The following AMER2 variants were observed in gnomAD, a reference collection of about 807,000 sequenced individuals.
AMER2 encodes family with sequence similarity 123A.
In AMER2, 1 loss-of-function variant was observed where a neutral mutation model predicts 4.7. The observed-to-expected ratio is 0.21, with a 90% CI of 0.07 to 1.00. The LOEUF (loss-of-function observed/expected upper bound fraction) is 1.00. Ranked by LOEUF, AMER2 falls within the 50% of genes least tolerant of loss-of-function variation. The pLI, the probability that AMER2 is intolerant of heterozygous loss-of-function variation, is 0.60. For synonymous variants in AMER2, 485 were observed against 433.3 expected, an observed-to-expected ratio of 1.12 and a Z score of -1.48; for missense variants, 988 against 966.9, an observed-to-expected ratio of 1.02 and a Z score of -0.29.
At position 25,163,088 on chromosome 13, in the gene AMER2, A is replaced by G. The variant is rs1013113840; in HGVS notation, c.*6516T>C. 5.3e-5 allele frequency: 8 copies of G among 152,088 alleles called. No homozygotes were observed. The highest frequency in any genetic ancestry group is 7.4e-5 in the Non-Finnish European group (5 of 68,010). 9.4% of individuals were successfully genotyped at this position (152,088 alleles called of 1,614,324 possible). A position where few individuals can be genotyped will look rare whatever the true frequency, so the allele number is the denominator to read the frequency against. ...GGACGGACAGCTATTAAAGGAGCCA[A>G]GTGCTTATTTCTGAAGTTCAGAATT... On this transcript the variant is annotated 3_prime_UTR_variant, in exon 1 of 1. Coordinates refer to ENST00000515384, the MANE Select transcript of AMER2 (RefSeq NM_152704.4).
Position 25,171,738 on chromosome 13 carries a change from T to G in AMER2, c.-119A>C. 7.1e-6 allele frequency: 10 copies of G among 1,405,286 alleles called. No individual in the cohort carries two copies. Among genetic ancestry groups the G allele is most frequent in the Non-Finnish European group, 9.2e-6 (10 of 1,089,726 alleles). The allele number at this position is 1,405,286 out of a possible 1,614,324, so 87.1% of individuals were successfully genotyped here. A position where few individuals can be genotyped will look rare whatever the true frequency, so the allele number is the denominator to read the frequency against. On this transcript the variant is annotated 5_prime_UTR_variant, in exon 1 of 1. It removes an upstream start codon present in the reference 5' UTR. Coordinates refer to ENST00000515384, the MANE Select transcript of AMER2 (RefSeq NM_152704.4). The surrounding 1 kb of genome is among the most constrained non-coding windows in gnomAD (Gnocchi z 5.9). ...GCCGCCGCTGCAAAAGAAACACACA[T>G]AAAAGACCATCTTCCCTCCCGCAAG...
rs1350272174 is a variant in AMER2, at chr13:25,170,078, C to G, written c.1542G>C (p.Gln514His). Residue 514 changes from glutamine to histidine, a missense_variant, in exon 1 of 1, where the codon CAG (glutamine) becomes CAC (histidine). Physicochemically the swap from Gln to His is conservative, Grantham distance 24. Coordinates refer to ENST00000515384, the MANE Select transcript of AMER2 (RefSeq NM_152704.4). The surrounding 1 kb of genome is among the most constrained non-coding windows in gnomAD (Gnocchi z 7.3). ...CCTCGTCGCTGTTGGGGACGCCTTCCTGCTGCTCCTTCTCCGGGTGCTTGG... is the reference window on the plus strand; with the variant it reads ...CCTCGTCGCTGTTGGGGACGCCTTCGTGCTGCTCCTTCTCCGGGTGCTTGG... ...EEPKHPEKEQ[Q>H]EGVPNSDEGY... 6.2e-7 allele frequency: 1 copy of G among 1,613,940 alleles called. No homozygotes were observed. Among genetic ancestry groups the G allele is most frequent in the African/African-American group, 1.3e-5 (1 of 74,924 alleles).
Position 25,162,815 on chromosome 13 carries a change from A to C in AMER2, c.*6789T>G, listed in dbSNP as rs1241941222. The C allele has an allele frequency of 6.6e-6, 1 of 152,232 alleles. No individual in the cohort carries two copies. Among genetic ancestry groups the C allele is most frequent in the Middle Eastern group, 3.2e-3 (1 of 316 alleles). The allele number at this position is 152,232 out of a possible 1,614,324, so 9.4% of individuals were successfully genotyped here. On this transcript the variant is annotated 3_prime_UTR_variant, in exon 1 of 1. Coordinates refer to ENST00000515384, the MANE Select transcript of AMER2 (RefSeq NM_152704.4). ...TCTACTCGATTATTGAAGCATTTCCAAAATTACCCATTTTACCAATACCTA... is the reference window on the plus strand; with the variant it reads ...TCTACTCGATTATTGAAGCATTTCCCAAATTACCCATTTTACCAATACCTA...
chr13:25,168,780 C>T lies in AMER2; in HGVS notation c.*824G>A, dbSNP rs903639706. 6.6e-6 allele frequency: 1 copy of T among 152,620 alleles called. No homozygotes were observed. The highest frequency in any genetic ancestry group is 2.4e-5 in the African/African-American group (1 of 41,454). 9.5% of individuals were successfully genotyped at this position (152,620 alleles called of 1,614,324 possible). A position where few individuals can be genotyped will look rare whatever the true frequency, so the allele number is the denominator to read the frequency against. On this transcript the variant is annotated 3_prime_UTR_variant, in exon 1 of 1. Transcript: ENST00000515384. Reference sequence around the variant, plus strand: ...GTTTCAGTTTATAAATGCTTAAATACTGTATCTATTGGCATTTAATAAAAT... The same window carrying T: ...GTTTCAGTTTATAAATGCTTAAATATTGTATCTATTGGCATTTAATAAAAT...
In AMER2 at chr13:25,171,522, C is replaced by CCGGCCT. The variant is rs1183144253; in HGVS notation, c.92_97dup (p.Glu31_Ala32dup). ...TGCCGCGAGGGTCCCGGTCCCGGCC[C>CCGGCCT]CGGCCTCCGCCTTCCTCCTGCAGAC... On this transcript the variant is annotated inframe_insertion, in exon 1 of 1. Transcript: ENST00000515384. The surrounding 1 kb of genome is among the most constrained non-coding windows in gnomAD (Gnocchi z 5.9). 3 of 1,595,120 alleles carry CCGGCCT rather than the reference C, an allele frequency of 1.9e-6. No individual in the cohort carries two copies. Among genetic ancestry groups the CCGGCCT allele is most frequent in the African/African-American group, 2.7e-5 (2 of 73,558 alleles).
Position 25,170,698 on chromosome 13 carries a change from G to T in AMER2, c.922C>A (p.Pro308Thr). ...EDAAGHRRAEPGPGEVRTAED... is the reference protein window; with the variant it reads ...EDAAGHRRAETGPGEVRTAED... ...GCCGTGCGGACCTCCCCGGGCCCCG[G>T]CTCGGCGCGCCGATGCCCCGCGGCG... Residue 308 changes from proline to threonine, a missense_variant, in exon 1 of 1, where the codon CCG (proline) becomes ACG (threonine). Transcript: ENST00000515384. The surrounding 1 kb of genome is among the most constrained non-coding windows in gnomAD (Gnocchi z 7.3). 1 of 1,507,698 alleles carries T rather than the reference G, an allele frequency of 6.6e-7. No homozygotes were observed. Among genetic ancestry groups the T allele is most frequent in the Non-Finnish European group, 8.8e-7 (1 of 1,131,256 alleles). 93.4% of individuals were successfully genotyped at this position (1,507,698 alleles called of 1,614,324 possible). A position where few individuals can be genotyped will look rare whatever the true frequency, so the allele number is the denominator to read the frequency against.
rs535164674 is a variant in AMER2, at chr13:25,162,002, G to T, written c.*7602C>A. On this transcript the variant is annotated 3_prime_UTR_variant, in exon 1 of 1. Coordinates refer to ENST00000515384, the MANE Select transcript of AMER2 (RefSeq NM_152704.4). ...GGAGGAAAGACCCTATTGCTATTTA[G>T]AATCCTTTTTAAAACAAGTTTTTAA... 3.7e-4 allele frequency: 56 copies of T among 152,258 alleles called. No individual in the cohort carries two copies. Among genetic ancestry groups the T allele is most frequent in the African/African-American group, 1.2e-3 (51 of 41,548 alleles). The allele number at this position is 152,258 out of a possible 1,614,324, so 9.4% of individuals were successfully genotyped here.
At position 25,162,108 on chromosome 13, in the gene AMER2, C is replaced by A. The variant is rs922039255; in HGVS notation, c.*7496G>T. On this transcript the variant is annotated 3_prime_UTR_variant, in exon 1 of 1. Coordinates refer to ENST00000515384, the MANE Select transcript of AMER2 (RefSeq NM_152704.4). ...CTATTATAAAAATAACATCTATAAA[C>A]CTACTAACAATTTTCCTCCTGTGCA... 2 of 152,080 alleles carry A rather than the reference C, an allele frequency of 1.3e-5. No homozygotes were observed. The highest frequency in any genetic ancestry group is 4.8e-5 in the African/African-American group (2 of 41,398). The allele number at this position is 152,080 out of a possible 1,614,324, so 9.4% of individuals were successfully genotyped here.
chr13:25,170,060 G>A lies in AMER2; in HGVS notation c.1560C>T (p.Ser520=), dbSNP rs1956534849. ...EKEQQEGVPN[S]DEGYWDSTTP... ...TGGTGGAGTCCCAGTAGCCCTCGTC[G>A]CTGTTGGGGACGCCTTCCTGCTGCT... The change falls in exon 1 of 1, where the codon AGC becomes AGT. Residue 520 remains serine, a synonymous_variant. Coordinates refer to ENST00000515384, the MANE Select transcript of AMER2 (RefSeq NM_152704.4). The surrounding 1 kb of genome is among the most constrained non-coding windows in gnomAD (Gnocchi z 7.3). 2 of 1,613,916 alleles carry A rather than the reference G, an allele frequency of 1.2e-6. No individual in the cohort carries two copies. The highest frequency in any genetic ancestry group is 1.1e-5 in the South Asian group (1 of 91,036).
Position 25,165,517 on chromosome 13 carries a change from CA to C in AMER2, c.*4086del, listed in dbSNP as rs538829989. 6.4e-4 allele frequency: 98 copies of C among 152,298 alleles called. No homozygotes were observed. The highest frequency in any genetic ancestry group is 2.1e-3 in the African/African-American group (87 of 41,564). The allele number at this position is 152,298 out of a possible 1,614,324, so 9.4% of individuals were successfully genotyped here. A position where few individuals can be genotyped will look rare whatever the true frequency, so the allele number is the denominator to read the frequency against. On this transcript the variant is annotated 3_prime_UTR_variant, in exon 1 of 1. Transcript: ENST00000515384. ...GAAATTTTCTAAGGCTGAGTTTACA[CA>C]AATTACAACTGTTCTTTTCCTTGCT...
rs755782876 is a variant in AMER2, at chr13:25,171,411, A to C, written c.209T>G (p.Leu70Ter). The part of the protein sequence containing the change: ...SGKINKAAFK[L>*]FKKRKSGGTM... Reference sequence around the variant, plus strand: ...GCCACCCGATTTCCTCTTCTTGAATAATTTGAAGGCAGCTTTATTAATCTT... The same window carrying C: ...GCCACCCGATTTCCTCTTCTTGAATCATTTGAAGGCAGCTTTATTAATCTT... Residue 70 changes from leucine to a stop codon, truncating the protein, a stop_gained, in exon 1 of 1, where the codon TTA (leucine) becomes TGA (stop). Transcript: ENST00000515384. LOFTEE classifies it low-confidence loss of function (END_TRUNC). This position sits in a 1 kb window ranked among gnomAD's most constrained non-coding sequence, Gnocchi z 5.9. The C allele has an allele frequency of 6.2e-7, 1 of 1,613,122 alleles. No individual in the cohort carries two copies. Among genetic ancestry groups the C allele is most frequent in the South Asian group, 1.1e-5 (1 of 90,866 alleles).
Position 25,169,631 on chromosome 13 carries a change from G to C in AMER2, c.1989C>G (p.Ala663=). 6.2e-7 allele frequency: 1 copy of C among 1,601,608 alleles called. No individual in the cohort carries two copies. The highest frequency in any genetic ancestry group is 8.5e-7 in the Non-Finnish European group (1 of 1,173,120). The change falls in exon 1 of 1, where the codon GCC becomes GCG. Residue 663 remains alanine, a synonymous_variant. Transcript: ENST00000515384. This position sits in a 1 kb window ranked among gnomAD's most constrained non-coding sequence, Gnocchi z 4.2. ...ACAACTTTTTGGCACTGTCGTGGCA[G>C]GCCGTTGCTCTGATGGTGGTCCCAG... ...GLAGTTIRAT[A]CHDSAKKL is the part of the protein sequence containing the mutation.
In AMER2 at chr13:25,168,015, T is replaced by TA. The variant is rs1328453691; in HGVS notation, c.*1588dup. On this transcript the variant is annotated 3_prime_UTR_variant, in exon 1 of 1. Coordinates refer to ENST00000515384, the MANE Select transcript of AMER2 (RefSeq NM_152704.4). ...ACGTGAATATGCATAATCTTCCTGG[T>TA]ATGATGAATCACCTCCTAGTAGAAG... The TA allele has an allele frequency of 6.6e-6, 1 of 152,190 alleles. No individual in the cohort carries two copies. The highest frequency in any genetic ancestry group is 1.5e-5 in the Non-Finnish European group (1 of 67,998). The allele number at this position is 152,190 out of a possible 1,614,324, so 9.4% of individuals were successfully genotyped here.
In AMER2 at chr13:25,169,882, A is replaced by T; in HGVS notation, c.1738T>A (p.Ser580Thr). ...PGGKDNEETS[S>T]LSRLKPVSPG... Reference sequence around the variant, plus strand: ...GATACGGGCTTTAACCGGGACAGGGAGGACGTCTCCTCGTTGTCCTTCCCT... The same window carrying T: ...GATACGGGCTTTAACCGGGACAGGGTGGACGTCTCCTCGTTGTCCTTCCCT... The change falls in exon 1 of 1, where the codon TCC (serine) becomes ACC (threonine). Residue 580 changes from serine to threonine, a missense_variant. Physicochemically the swap from Ser to Thr is moderately conservative, Grantham distance 58. Coordinates refer to ENST00000515384, the MANE Select transcript of AMER2 (RefSeq NM_152704.4). The surrounding 1 kb of genome is among the most constrained non-coding windows in gnomAD (Gnocchi z 4.2). 1 of 1,614,114 alleles carries T rather than the reference A, an allele frequency of 6.2e-7. No homozygotes were observed. Among genetic ancestry groups the T allele is most frequent in the Non-Finnish European group, 8.5e-7 (1 of 1,179,994 alleles).
chr13:25,161,871 T>C lies in AMER2; in HGVS notation c.*7733A>G, dbSNP rs1453112151. 1 of 152,012 alleles carries C rather than the reference T, an allele frequency of 6.6e-6. No individual in the cohort carries two copies. Among genetic ancestry groups the C allele is most frequent in the Non-Finnish European group, 1.5e-5 (1 of 67,994 alleles). The allele number at this position is 152,012 out of a possible 1,614,324, so 9.4% of individuals were successfully genotyped here. A position where few individuals can be genotyped will look rare whatever the true frequency, so the allele number is the denominator to read the frequency against. On this transcript the variant is annotated 3_prime_UTR_variant, in exon 1 of 1. Transcript: ENST00000515384. Reference sequence around the variant, plus strand: ...TGCACAATGGTACATATGCACAAAATGGAATTATATCAACAAATATACAAA... The same window carrying C: ...TGCACAATGGTACATATGCACAAAACGGAATTATATCAACAAATATACAAA...
In AMER2 at chr13:25,169,450, A is replaced by C. The variant is rs1177975019; in HGVS notation, c.*154T>G. 1 of 1,001,246 alleles carries C rather than the reference A, an allele frequency of 1.0e-6. No homozygotes were observed. The highest frequency in any genetic ancestry group is 2.7e-5 in the East Asian group (1 of 36,888). The allele number at this position is 1,001,246 out of a possible 1,614,324, so 62.0% of individuals were successfully genotyped here. On this transcript the variant is annotated 3_prime_UTR_variant, in exon 1 of 1. Coordinates refer to ENST00000515384, the MANE Select transcript of AMER2 (RefSeq NM_152704.4). The surrounding 1 kb of genome is among the most constrained non-coding windows in gnomAD (Gnocchi z 4.2). ...GTGTTATCCGGTCCCTGCTCAGGGCACAAAGACCTCCTCGGTCCACGCTCT... is the reference window on the plus strand; with the variant it reads ...GTGTTATCCGGTCCCTGCTCAGGGCCCAAAGACCTCCTCGGTCCACGCTCT...
Position 25,171,461 on chromosome 13 carries a change from C to A in AMER2, c.159G>T (p.Thr53=), listed in dbSNP as rs899855437. Residue 53 remains threonine, a synonymous_variant, in exon 1 of 1, where the codon ACG becomes ACT. Transcript: ENST00000515384. This position sits in a 1 kb window ranked among gnomAD's most constrained non-coding sequence, Gnocchi z 5.9. The part of the protein sequence containing the change: ...MDLHCDCAAE[T]PAAEPPSGKI... ...TCCCCGACGGCGGCTCGGCGGCCGGCGTTTCGGCGGCACAGTCACAATGCA... is the reference window on the plus strand; with the variant it reads ...TCCCCGACGGCGGCTCGGCGGCCGGAGTTTCGGCGGCACAGTCACAATGCA... 1 of 1,610,734 alleles carries A rather than the reference C, an allele frequency of 6.2e-7. No individual in the cohort carries two copies. The highest frequency in any genetic ancestry group is 2.2e-5 in the East Asian group (1 of 44,650).
Position 25,170,035 on chromosome 13 carries a change from T to C in AMER2, c.1585A>G (p.Thr529Ala), listed in dbSNP as rs1435795396. ...GAGCTGTCTTCCTCTGGGCCTGGCG[T>C]GGTGGAGTCCCAGTAGCCCTCGTCG... Reference protein sequence around the residue: ...NSDEGYWDSTTPGPEEDSSSS... With the variant: ...NSDEGYWDSTAPGPEEDSSSS... Residue 529 changes from threonine (T) to alanine (A), a missense_variant, in exon 1 of 1, where the codon ACG (threonine) becomes GCG (alanine). Thr to Ala is a moderately conservative substitution (Grantham distance 58, BLOSUM62 0). Transcript: ENST00000515384. The surrounding 1 kb of genome is among the most constrained non-coding windows in gnomAD (Gnocchi z 7.3). 6.2e-7 allele frequency: 1 copy of C among 1,613,776 alleles called. No homozygotes were observed. The highest frequency in any genetic ancestry group is 1.3e-5 in the African/African-American group (1 of 74,942).
chr13:25,170,934 G>T lies in AMER2; in HGVS notation c.686C>A (p.Ser229Ter). 1.3e-6 allele frequency: 2 copies of T among 1,493,314 alleles called. No homozygotes were observed. The highest frequency in any genetic ancestry group is 1.8e-6 in the Non-Finnish European group (2 of 1,126,962). The allele number at this position is 1,493,314 out of a possible 1,614,324, so 92.5% of individuals were successfully genotyped here. Residue 229 changes from serine to a stop codon, truncating the protein, a stop_gained, in exon 1 of 1, where the codon TCG becomes TAG. Transcript: ENST00000515384. LOFTEE classifies it low-confidence loss of function (END_TRUNC). This position sits in a 1 kb window ranked among gnomAD's most constrained non-coding sequence, Gnocchi z 7.3. The stretch of plus-strand genomic sequence containing the variant: ...GACGCACTCCAGGCTGGCGGTGAGC[G>T]AGCCGGGTAGGATCAAGCCGCCCCC... ...APGGGLILPG[S>*]LTASLECVKE...
Sources: allele counts gnomAD v4.1 joint callset, GRCh38; gene constraint gnomAD v4.1.1; non-coding constraint Gnocchi (gnomAD v3.1); transcripts MANE v1.5; gene names NCBI Gene and HGNC (gene_info 2026-07-23, HGNC 2026-07-21).